Variants in MEX3D observed in about 807,000 individuals in gnomAD.
The protein encoded by MEX3D is mex-3 RNA binding family member D, also known as RNA-binding protein MEX3D.
In MEX3D, 4 loss-of-function variants were observed where a neutral mutation model predicts 6.3. The observed-to-expected ratio is 0.64, with a 90% CI of 0.31 to 1.46. The LOEUF is 1.46. Ranked by LOEUF, MEX3D falls within the 40% of genes most tolerant of loss-of-function variation. MEX3D has a pLI of 0.07. For missense variants in MEX3D, 1,038 were observed against 994.4 expected (o/e 1.04, Z -0.59); for synonymous variants, 626 against 494.1 (o/e 1.27, Z -3.54).
Position 1,567,448 on chromosome 19 carries a change from G to A in MEX3D, c.595+16C>T, listed in dbSNP as rs1248572635. On this transcript the variant is annotated intron_variant, in intron 1 of 1. Coordinates refer to ENST00000402693, the MANE Select transcript of MEX3D (RefSeq NM_203304.4). This position sits in a 1 kb window ranked among gnomAD's most constrained non-coding sequence, Gnocchi z 6.5. ...GGGGACCCCCAGGACAGCAACCCCC[G>A]ACGAGGGCCACTCACCCTGGCGACC... 10 of 1,558,556 alleles carry A rather than the reference G, an allele frequency of 6.4e-6. No homozygotes were observed. The highest frequency in any genetic ancestry group is 8.7e-6 in the Non-Finnish European group (10 of 1,154,908).
Position 1,556,084 on chromosome 19 carries a change from C to T in MEX3D, c.1435G>A (p.Ala479Thr), listed in dbSNP as rs752965886. The T allele has an allele frequency of 2.2e-5, 32 of 1,432,810 alleles. No individual in the cohort carries two copies. Among genetic ancestry groups the T allele is most frequent in the South Asian group, 1.3e-4 (10 of 78,250 alleles). The allele number at this position is 1,432,810 out of a possible 1,614,324, so 88.8% of individuals were successfully genotyped here. Residue 479 changes from alanine to threonine, a missense_variant, in exon 2 of 2, where the codon GCC becomes ACC. Coordinates refer to ENST00000402693, the MANE Select transcript of MEX3D (RefSeq NM_203304.4). This position sits in a 1 kb window ranked among gnomAD's most constrained non-coding sequence, Gnocchi z 7.5. The stretch of plus-strand genomic sequence containing the variant: ...CCGCTGAAGGCGGGCAAGGGGGCGG[C>T]GCGCTCAAAAGGCGCCCAGATGGTG... ...AATIWAPFER[A>T]APLPAFSGCS...
At chr19:1,557,571 A>G (rs2145569906) in intron 1 of MEX3D, among the ~76,000 whole-genome samples, 1 of 146,582 alleles carries the variant, frequency 6.8e-6, no homozygotes, top group Middle Eastern at 3.9e-3. Context: ...AACTAAAAAA[A>G]AAAAAAAAGC....
chr19:1,567,596 C>A lies in MEX3D; in HGVS notation c.463G>T (p.Ala155Ser). Residue 155 changes from alanine (A) to serine (S), a missense_variant, in exon 1 of 2, where the codon GCG becomes TCG. Coordinates refer to ENST00000402693, the MANE Select transcript of MEX3D (RefSeq NM_203304.4). This position sits in a 1 kb window ranked among gnomAD's most constrained non-coding sequence, Gnocchi z 6.5. ...DVFAGFAPHPAALGPPTLLAD... is the reference protein window; with the variant it reads ...DVFAGFAPHPSALGPPTLLAD... ...AGCAGCGTCGGGGGCCCCAGGGCCG[C>A]GGGGTGGGGCGCGAAGCCCGCGAAC... 1.4e-6 allele frequency: 2 copies of A among 1,441,128 alleles called. No homozygotes were observed. Among genetic ancestry groups the A allele is most frequent in the Non-Finnish European group, 1.8e-6 (2 of 1,093,564 alleles). The allele number at this position is 1,441,128 out of a possible 1,614,324, so 89.3% of individuals were successfully genotyped here.
chr19:1,558,058 A>G (rs1397215540), intron 1 of MEX3D, among the ~76,000 whole-genome samples: 1 of 148,826 alleles, frequency 6.7e-6, no homozygotes, highest in Non-Finnish European at 1.5e-5. Context: ...TCAAAAAAAA[A>G]AAAAAAAAAA....
In MEX3D at chr19:1,555,559, C is replaced by CG; in HGVS notation, c.*3dup. The CG allele has an allele frequency of 6.4e-7, 1 of 1,569,346 alleles. No individual in the cohort carries two copies. Among genetic ancestry groups the CG allele is most frequent in the Non-Finnish European group, 8.6e-7 (1 of 1,160,156 alleles). ...ATGGCCCCGGCCACGTGGTGGTCCG[C>CG]GCTCTAGGAAAAGATATGAATGGCC... On this transcript the variant is annotated 3_prime_UTR_variant, in exon 2 of 2. Coordinates refer to ENST00000402693, the MANE Select transcript of MEX3D (RefSeq NM_203304.4).
chr19:1,567,805 T>A lies in MEX3D; in HGVS notation c.254A>T (p.Asp85Val). Residue 85 changes from aspartate to valine, a missense_variant, in exon 1 of 2, where the codon GAC becomes GTC. Physicochemically the swap from Asp to Val is radical, Grantham distance 152. Around this residue, in one of 5 missense-constraint regions of MEX3D, gnomAD observed 265 missense variants for 206.3 expected, o/e 1.28. Transcript: ENST00000402693. This position sits in a 1 kb window ranked among gnomAD's most constrained non-coding sequence, Gnocchi z 6.5. ...GDTDEEGAAG[D>V]GAAAAGGADG... ...CGCGCCCCCCGCCGCCGCTGCGCCG[T>A]CCCCGGCCGCCCCCTCCTCGTCCGT... The A allele has an allele frequency of 2.5e-5, 22 of 874,314 alleles. No individual in the cohort carries two copies. The highest frequency in any genetic ancestry group is 3.0e-5 in the Non-Finnish European group (22 of 736,868). The allele number at this position is 874,314 out of a possible 1,614,324, so 54.2% of individuals were successfully genotyped here. A position where few individuals can be genotyped will look rare whatever the true frequency, so the allele number is the denominator to read the frequency against.
intron 1 of MEX3D, among the ~76,000 whole-genome samples, chr19:1,560,035 C>T (rs1217075661): frequency 6.6e-6 from 1 of 152,228 alleles, no homozygotes; most frequent in Admixed American, 6.5e-5. Context: ...TGAGTCTCTC[C>T]TAACATGCCT....
chr19:1,555,716 C>G lies in MEX3D; in HGVS notation c.1803G>C (p.Val601=). ...CCATCACCTCGCCCTCGGCGCACAC[C>G]ACGCACTCTCGCGCCAGGGCCGGGG... ...SSAPALAREC[V]VCAEGEVMAA... is the part of the protein sequence containing the mutation. Residue 601 remains valine (V), a synonymous_variant, in exon 2 of 2, where the codon GTG becomes GTC. Coordinates refer to ENST00000402693, the MANE Select transcript of MEX3D (RefSeq NM_203304.4). The G allele has an allele frequency of 1.1e-5, 17 of 1,540,756 alleles. No individual in the cohort carries two copies. Among genetic ancestry groups the G allele is most frequent in the African/African-American group, 1.4e-5 (1 of 71,818 alleles).
intron 1 of MEX3D, among the ~76,000 whole-genome samples, chr19:1,565,105 T>G (rs1022960459): frequency 3.3e-5 from 5 of 152,106 alleles, no homozygotes; most frequent in Admixed American, 6.6e-5. Flanking sequence ...ACCAGCAACT[T>G]GGGTCCAGGC....
chr19:1,556,819 C>G lies in MEX3D; in HGVS notation c.700G>C (p.Glu234Gln). 1 of 1,612,656 alleles carries G rather than the reference C, an allele frequency of 6.2e-7. No homozygotes were observed. Among genetic ancestry groups the G allele is most frequent in the Non-Finnish European group, 8.5e-7 (1 of 1,179,812 alleles). ...FIVTGRKEDV[E>Q]MAKREILSAA... ...GACAGGATCTCACGCTTGGCCATCTCCACGTCCTCCTTCCGGCCGGTCACG... is the reference window on the plus strand; with the variant it reads ...GACAGGATCTCACGCTTGGCCATCTGCACGTCCTCCTTCCGGCCGGTCACG... Residue 234 changes from glutamate (E) to glutamine (Q), a missense_variant, in exon 2 of 2, where the codon GAG (glutamate) becomes CAG (glutamine). By Grantham distance (29) the Glu-to-Gln change is conservative. This residue lies in a region of MEX3D where 75 missense variants were observed against 125.1 expected (regional missense o/e 0.60). Transcript: ENST00000402693. This position sits in a 1 kb window ranked among gnomAD's most constrained non-coding sequence, Gnocchi z 7.5.
Position 1,556,318 on chromosome 19 carries a change from C to G in MEX3D, c.1201G>C (p.Ala401Pro), listed in dbSNP as rs1221100451. ...RGDTALGAPS[A>P]PEAFYAGSRG... ...CTGCCCGCGTAGAAGGCCTCGGGGG[C>G]GCTGGGGGCGCCCAGGGCCGTGTCC... The change falls in exon 2 of 2, where the codon GCC becomes CCC. Residue 401 changes from alanine (A) to proline (P), a missense_variant. Ala to Pro is a conservative substitution (Grantham distance 27, BLOSUM62 -1). This residue lies in a region of MEX3D where 581 missense variants were observed against 516.2 expected (regional missense o/e 1.13). Coordinates refer to ENST00000402693, the MANE Select transcript of MEX3D (RefSeq NM_203304.4). This position sits in a 1 kb window ranked among gnomAD's most constrained non-coding sequence, Gnocchi z 7.5. The G allele has an allele frequency of 6.8e-6, 9 of 1,328,690 alleles. No individual in the cohort carries two copies. The highest frequency in any genetic ancestry group is 8.6e-6 in the Non-Finnish European group (9 of 1,045,030). 82.3% of individuals were successfully genotyped at this position (1,328,690 alleles called of 1,614,324 possible). A position where few individuals can be genotyped will look rare whatever the true frequency, so the allele number is the denominator to read the frequency against.
rs1914566664 is a variant in MEX3D, at chr19:1,556,484, G to A, written c.1035C>T (p.Phe345=). ...AGTCGCTGTCGGGGCCCGCGTCGGT[G>A]AAGGCGCCAGTGCGCAGCGTGATGT... is the stretch of plus-strand genomic sequence containing the variant. The part of the protein sequence containing the change: ...EAHITLRTGA[F]TDAGPDSDFH... Residue 345 remains phenylalanine, a synonymous_variant, in exon 2 of 2, where the codon TTC becomes TTT. Transcript: ENST00000402693. The surrounding 1 kb of genome is among the most constrained non-coding windows in gnomAD (Gnocchi z 7.5). The A allele has an allele frequency of 3.1e-6, 5 of 1,603,070 alleles. No individual in the cohort carries two copies. Among genetic ancestry groups the A allele is most frequent in the Non-Finnish European group, 4.2e-6 (5 of 1,177,972 alleles).
intron 1 of MEX3D, among the ~76,000 whole-genome samples, chr19:1,557,921 C>T (rs181250048): frequency 2.5e-5 from 3 of 121,088 alleles, no homozygotes; most frequent in South Asian, 3.0e-4. Context: ...GGTGTGGTGG[C>T]GCACGCCTGT....
intron 1 of MEX3D, among the ~76,000 whole-genome samples, chr19:1,560,665 C>T (rs1027537379): frequency 1.3e-5 from 2 of 152,180 alleles, no homozygotes; most frequent in African/African-American, 2.4e-5. Context: ...GCCACGCGTG[C>T]GTCGGGGCAG....
Position 1,567,981 on chromosome 19 carries a change from C to G in MEX3D, c.78G>C (p.Glu26Asp). 1 of 977,662 alleles carries G rather than the reference C, an allele frequency of 1.0e-6. No homozygotes were observed. Among genetic ancestry groups the G allele is most frequent in the Non-Finnish European group, 1.2e-6 (1 of 826,944 alleles). 60.6% of individuals were successfully genotyped at this position (977,662 alleles called of 1,614,324 possible). Reference sequence around the variant, plus strand: ...GGGGCGCAGGTCCGGGTCCGGGGTCCTCCCCCGCCGCCCCCACGCCGCCGC... The same window carrying G: ...GGGGCGCAGGTCCGGGTCCGGGGTCGTCCCCCGCCGCCCCCACGCCGCCGC... ...GGGGGVGAAG[E>D]DPGPGPAPPP... Residue 26 changes from glutamate to aspartate, a missense_variant, in exon 1 of 2, where the codon GAG becomes GAC. Transcript: ENST00000402693. The surrounding 1 kb of genome is among the most constrained non-coding windows in gnomAD (Gnocchi z 6.5).
chr19:1,561,769 G>A (rs534061079), intron 1 of MEX3D, among the ~76,000 whole-genome samples: 31 of 152,104 alleles, frequency 2.0e-4, no homozygotes, highest in Admixed American at 1.1e-3. Context: ...TCAGCCTCCC[G>A]AGTAGCTGGG....
At chr19:1,565,377 A>C (rs960860030) in intron 1 of MEX3D, among the ~76,000 whole-genome samples, 12 of 152,164 alleles carry the variant, frequency 7.9e-5, no homozygotes, top group African/African-American at 2.9e-4. Context: ...CCCCGTCTCT[A>C]CTAAAAATAC....
chr19:1,567,913 G>A lies in MEX3D; in HGVS notation c.146C>T (p.Pro49Leu), dbSNP rs1472708297. 6 of 979,936 alleles carry A rather than the reference G, an allele frequency of 6.1e-6. No individual in the cohort carries two copies. Among genetic ancestry groups the A allele is most frequent in the Non-Finnish European group, 7.2e-6 (6 of 827,916 alleles). 60.7% of individuals were successfully genotyped at this position (979,936 alleles called of 1,614,324 possible). A position where few individuals can be genotyped will look rare whatever the true frequency, so the allele number is the denominator to read the frequency against. Residue 49 changes from proline to leucine, a missense_variant, in exon 1 of 2, where the codon CCG becomes CTG. By Grantham distance (98) the Pro-to-Leu change is moderately conservative. Around this residue, in one of 5 missense-constraint regions of MEX3D, gnomAD observed 265 missense variants for 206.3 expected, o/e 1.28. Transcript: ENST00000402693. This position sits in a 1 kb window ranked among gnomAD's most constrained non-coding sequence, Gnocchi z 6.5. ...GGCGGCCGCGTCGTCGGGTTCGGGC[G>A]GCGGCCGGGGCGCGGGCGCGGCCTC... ...AQEAAPAPRP[P>L]PEPDDAAAAL...
At chr19:1,560,578 A>G (rs1914692775) in intron 1 of MEX3D, among the ~76,000 whole-genome samples, 1 of 152,164 alleles carries the variant, frequency 6.6e-6, no homozygotes, top group African/African-American at 2.4e-5. Context: ...TCTGGGTGAG[A>G]TGACAAATTT....
Sources: allele counts gnomAD v4.1 joint callset (sites outside exome capture counted in the v4.1 genomes callset), GRCh38; gene constraint gnomAD v4.1.1; regional missense constraint gnomAD v4.1.1; non-coding constraint Gnocchi (gnomAD v3.1); transcripts MANE v1.5; gene names NCBI Gene and HGNC (gene_info 2026-07-23, HGNC 2026-07-21).